The following SGK3 variants were observed in gnomAD, a reference collection of about 807,000 sequenced individuals.
The protein encoded by SGK3 is serine/threonine-protein kinase Sgk3.
SGK3 carries 47 observed loss-of-function variants against 68.5 expected under a neutral mutation model. That is an observed-to-expected ratio of 0.69 (90% confidence interval 0.54 to 0.87). SGK3 has a LOEUF of 0.87. Ranked by LOEUF, SGK3 falls within the 40% of genes least tolerant of loss-of-function variation. The pLI, the probability that SGK3 is intolerant of heterozygous loss-of-function variation, is 0.00. For synonymous variants in SGK3, 181 were observed against 189.1 expected (o/e 0.96, Z 0.35); for missense variants, 479 against 575.5 (o/e 0.83, Z 1.72).
chr8:66,804,802 C>G (rs1808084048), intron 4 of SGK3, among the ~76,000 whole-genome samples: 1 of 152,162 alleles, frequency 6.6e-6, no homozygotes, highest in Non-Finnish European at 1.5e-5. Flanking sequence ...ATTTATCTGT[C>G]AATGGGCTGG....
chr8:66,849,778 C>T (rs958608371), intron 15 of SGK3, among the ~76,000 whole-genome samples: 2 of 151,848 alleles, frequency 1.3e-5, no homozygotes, highest in Non-Finnish European at 2.9e-5. Flanking sequence ...GGAGTCTCAT[C>T]ATATTGCCCA....
chr8:66,760,114 A>G (rs920023946), intron 1 of SGK3, among the ~76,000 whole-genome samples: 2 of 152,150 alleles, frequency 1.3e-5, no homozygotes, highest in Admixed American at 6.5e-5. Context: ...TTCACATTTC[A>G]TGTAACAATA....
At chr8:66,757,926 T>C (rs1806030955) in intron 1 of SGK3, among the ~76,000 whole-genome samples, 1 of 135,852 alleles carries the variant, frequency 7.4e-6, no homozygotes, top group African/African-American at 2.8e-5. Flanking sequence ...AAAAAAAAAG[T>C]GTATATATAT....
At chr8:66,843,964 A>G (rs532993334) in intron 14 of SGK3, among the ~76,000 whole-genome samples, 2 of 131,344 alleles carry the variant, frequency 1.5e-5, no homozygotes, top group East Asian at 5.1e-4. Context: ...ACTGTACTCC[A>G]GCCTGGGTGA....
At position 66,750,810 on chromosome 8, in the gene SGK3, A is replaced by G. The variant is rs564821979; in HGVS notation, c.-122+37977A>G. 3.1e-3 allele frequency among the ~76,000 whole-genome samples: 463 copies of G among 150,094 alleles called. 2 individuals are homozygous for G. The highest frequency in any genetic ancestry group is 0.01 in the Middle Eastern group (3 of 288). Reference sequence around the variant, plus strand: ...TCTTGAGCCCAGGAGTTTGAGACCAACCTGGACAACATGGCAAAACCCCAT... The same window carrying G: ...TCTTGAGCCCAGGAGTTTGAGACCAGCCTGGACAACATGGCAAAACCCCAT... On this transcript the variant is annotated intron_variant, in intron 1 of 16. Coordinates refer to ENST00000521198, the MANE Select transcript of SGK3 (RefSeq NM_001033578.3).
intron 1 of SGK3, among the ~76,000 whole-genome samples, chr8:66,727,704 G>C (rs1805024216): frequency 6.6e-6 from 1 of 152,130 alleles, no homozygotes; most frequent in African/African-American, 2.4e-5. Flanking sequence ...TCCATTCAAG[G>C]ACACAGCAAG....
In SGK3 at chr8:66,798,587, T is replaced by G. The variant is rs756729751; in HGVS notation, c.142T>G (p.Phe48Val). 13 of 1,611,974 alleles carry G rather than the reference T, an allele frequency of 8.1e-6. No homozygotes were observed. In the South Asian group the frequency reaches 1.4e-4, roughly 18 times the overall value. ...AGTGGGAAGAAGTGAATGGTTTGTC[T>G]TCAGGAGATATGCAGAGTTTGATAA... ...VSVGRSEWFV[F>V]RRYAEFDKLY... Residue 48 changes from phenylalanine to valine, a missense_variant, in exon 3 of 17, where the codon TTC becomes GTC. Phe to Val is a conservative substitution (Grantham distance 50). Coordinates refer to ENST00000521198, the MANE Select transcript of SGK3 (RefSeq NM_001033578.3).
rs1810710660 is a variant in SGK3 at position 66,860,480 on chromosome 8, A to G, written c.*899A>G. The G allele has an allele frequency of 6.6e-6, 1 of 152,172 alleles. No individual in the cohort carries two copies. Among genetic ancestry groups the G allele is most frequent in the South Asian group, 2.1e-4 (1 of 4,828 alleles). 9.4% of individuals were successfully genotyped at this position (152,172 alleles called of 1,614,324 possible). On this transcript the variant is annotated 3_prime_UTR_variant, in exon 17 of 17. Transcript: ENST00000521198. ...CAAAAAAAAAAAGAAAAAGTAACAA[A>G]AGGAAATTATTTGTTTTTGAAATAC...
intron 1 of SGK3, among the ~76,000 whole-genome samples, chr8:66,756,924 G>A (rs1428565767): frequency 1.3e-5 from 2 of 151,872 alleles, no homozygotes; most frequent in Non-Finnish European, 2.9e-5. Flanking sequence ...TAATAATCTG[G>A]ACATGTAAGA....
intron 15 of SGK3, among the ~76,000 whole-genome samples, 191 bp downstream of exon 15, chr8:66,847,539 C>G (rs1810083087): frequency 6.6e-6 from 1 of 152,202 alleles, no homozygotes; most frequent in African/African-American, 2.4e-5. Context: ...AAAGCACTTT[C>G]TGTTGCATAC....
At chr8:66,735,137 T>C (rs949045121) in intron 1 of SGK3, among the ~76,000 whole-genome samples, 13 of 152,164 alleles carry the variant, frequency 8.5e-5, no homozygotes, top group African/African-American at 3.1e-4. Context: ...AAACATAGTC[T>C]ATGTAGGGTT....
intron 1 of SGK3, among the ~76,000 whole-genome samples, chr8:66,788,010 G>C (rs1231288231): frequency 6.6e-6 from 1 of 152,144 alleles, no homozygotes; most frequent in African/African-American, 2.4e-5. Context: ...CCTGAGTGGG[G>C]CTGCCTTTTC....
chr8:66,822,494 A>G, intron 6 of SGK3, 35 bp downstream of exon 6: 2 of 1,591,114 alleles, frequency 1.3e-6, no homozygotes, highest in Non-Finnish European at 1.7e-6. Flanking sequence ...AATAGAAAAA[A>G]TACTATTCCA....
chr8:66,859,455 A>C lies in SGK3; in HGVS notation c.1365A>C (p.Glu455Asp), dbSNP rs561540288. ...GAAACTTTGACACAGCATTTACAGA[A>C]GAAACAGTTCCATATTCTGTGTGTG... is the stretch of plus-strand genomic sequence containing the variant. ...DIRNFDTAFT[E>D]ETVPYSVCVS... The change falls in exon 17 of 17, where the codon GAA becomes GAC. Residue 455 changes from glutamate to aspartate, a missense_variant. This residue lies in a region of SGK3 where 173 missense variants were observed against 214.3 expected (regional missense o/e 0.81). Transcript: ENST00000521198. 1.2e-6 allele frequency: 2 copies of C among 1,611,666 alleles called. No individual in the cohort carries two copies. Among genetic ancestry groups the C allele is most frequent in the Non-Finnish European group, 1.7e-6 (2 of 1,178,362 alleles).
intron 10 of SGK3, among the ~76,000 whole-genome samples, chr8:66,839,002 C>T (rs527531737): frequency 6.6e-6 from 1 of 152,240 alleles, no homozygotes; most frequent in East Asian, 1.9e-4. Flanking sequence ...AAATTGTTGG[C>T]TAATGTCCAC....
chr8:66,769,831 C>CA (rs147381100), intron 1 of SGK3, among the ~76,000 whole-genome samples: 6,284 of 152,238 alleles, frequency 0.041, 204 homozygotes, highest in Non-Finnish European at 0.066. Context: ...CTTGGCCTCT[C>CA]AAAGTGGGAT....
intron 8 of SGK3, 67 bp downstream of exon 8, chr8:66,831,378 A>G: frequency 6.3e-7 from 1 of 1,577,460 alleles, no homozygotes; most frequent in Non-Finnish European, 8.7e-7. Flanking sequence ...ACAGGGTCTC[A>G]CTCTGTTGTC....
chr8:66,774,062 C>T (rs1247331365), intron 1 of SGK3, among the ~76,000 whole-genome samples: 4 of 152,096 alleles, frequency 2.6e-5, no homozygotes, highest in Non-Finnish European at 4.4e-5. Context: ...TTCCCTGCAT[C>T]CTTTCCCCTC....
At chr8:66,771,226 A>G (rs1360981584) in intron 1 of SGK3, among the ~76,000 whole-genome samples, 2 of 152,140 alleles carry the variant, frequency 1.3e-5, no homozygotes, top group Non-Finnish European at 2.9e-5. Flanking sequence ...CCACTCTATA[A>G]ATGAAGTGTG....
Sources: allele counts gnomAD v4.1 joint callset (sites outside exome capture counted in the v4.1 genomes callset), GRCh38; gene constraint gnomAD v4.1.1; regional missense constraint gnomAD v4.1.1; transcripts MANE v1.5; gene names NCBI Gene and HGNC (gene_info 2026-07-23, HGNC 2026-07-21).